LNX1: variants seen among roughly 807,000 people sequenced by gnomAD.
LNX1 encodes the protein ligand of numb-protein X 1, also known as E3 ubiquitin-protein ligase LNX.
LNX1 carries 54 observed loss-of-function variants against 68.4 expected under a neutral mutation model. That is an observed-to-expected ratio of 0.79 (90% CI 0.63 to 0.99). LNX1 has a LOEUF of 0.99. LNX1 is among the 50% of genes least tolerant of loss of function. LNX1 has a pLI of 0.00. For synonymous variants in LNX1, 336 were observed against 350.0 expected, an observed-to-expected ratio of 0.96 and a Z score of 0.45; for missense variants, 906 against 926.4, an observed-to-expected ratio of 0.98 and a Z score of 0.29.
At chr4:53,644,916 C>CA (rs760198960) in intron 1 of LNX1, among the ~76,000 whole-genome samples, 28 of 152,280 alleles carry the variant, frequency 1.8e-4, no homozygotes, top group Admixed American at 7.8e-4. Flanking sequence ...GTAGCACAGT[C>CA]AAAATGCGCT....
chr4:53,611,974 T>C (rs1383706418), intron 2 of LNX1, among the ~76,000 whole-genome samples: 4 of 152,200 alleles, frequency 2.6e-5, no homozygotes, highest in Non-Finnish European at 5.9e-5. Flanking sequence ...TGAAGAAATC[T>C]ATATAGTGTG....
intron 6 of LNX1, among the ~76,000 whole-genome samples, chr4:53,483,422 T>A (rs1328372281): frequency 6.6e-6 from 1 of 152,198 alleles, no homozygotes. Context: ...TTCACATGTG[T>A]CAGGTAGTAT....
chr4:53,584,618 G>C (rs1560681471), intron 1 of LNX1, among the ~76,000 whole-genome samples: 5 of 152,186 alleles, frequency 3.3e-5, no homozygotes, highest in Non-Finnish European at 7.3e-5. Flanking sequence ...CTGAGCAAAT[G>C]TGTCAATCAA....
chr4:53,512,446 A>T (rs1579443499), intron 2 of LNX1, among the ~76,000 whole-genome samples: 2 of 148,838 alleles, frequency 1.3e-5, no homozygotes, highest in African/African-American at 5.0e-5. Context: ...ATGCAACACT[A>T]CCCTTTCCTC....
chr4:53,632,717 A>T (rs1353290230), intron 1 of LNX1, among the ~76,000 whole-genome samples: 1 of 152,182 alleles, frequency 6.6e-6, no homozygotes, highest in Non-Finnish European at 1.5e-5. Flanking sequence ...GAACCATATC[A>T]GGTTAGGGAG....
intron 2 of LNX1, among the ~76,000 whole-genome samples, chr4:53,541,363 G>A (rs866085656): frequency 6.6e-6 from 1 of 152,076 alleles, no homozygotes; most frequent in South Asian, 2.1e-4. Context: ...ATTTCTCTAA[G>A]GAAAAGTGTG....
chr4:53,546,894 G>A (rs1249239281), intron 2 of LNX1, among the ~76,000 whole-genome samples: 1 of 152,232 alleles, frequency 6.6e-6, no homozygotes, highest in Non-Finnish European at 1.5e-5. Context: ...GCAGAGCTGT[G>A]TGGAAGGCGA....
In LNX1 at chr4:53,502,693, A is replaced by G. The variant is rs1161266953; in HGVS notation, c.776-3850T>C. Among the ~76,000 whole-genome samples the G allele has an allele frequency of 2.0e-5, 3 of 152,338 alleles. No individual in the cohort carries two copies. The East Asian group carries it at 5.8e-4, about 29-fold the overall frequency. ...TCTCTGTAGAATGCAATGCTGTTTG[A>G]TAGCATTTAAACTTCAGTAGAACTT... On this transcript the variant is annotated intron_variant, in intron 4 of 10. Transcript: ENST00000263925.
At chr4:53,593,693 CT>C (rs1436161422), upstream of LNX1, among the ~76,000 whole-genome samples, 5 of 151,762 alleles carry the variant, frequency 3.3e-5, no homozygotes, top group African/African-American at 1.2e-4. Context: ...GCCATTAGGG[CT>C]GTTACATTAT....
chr4:53,528,946 T>TA (rs749059967), intron 2 of LNX1, among the ~76,000 whole-genome samples: 1 of 151,426 alleles, frequency 6.6e-6, no homozygotes, highest in African/African-American at 2.4e-5. Context: ...AGGCTACCCA[T>TA]AAAAAAAAGC....
chr4:53,546,225 C>T (rs1198892336), intron 2 of LNX1, among the ~76,000 whole-genome samples: 2 of 152,154 alleles, frequency 1.3e-5, no homozygotes, highest in Admixed American at 6.5e-5. Context: ...GATAAAAATC[C>T]CTGGAAGAGC....
At chr4:53,466,491 C>T (rs1296353156) in intron 9 of LNX1, among the ~76,000 whole-genome samples, 1 of 152,176 alleles carries the variant, frequency 6.6e-6, no homozygotes, top group African/African-American at 2.4e-5. Context: ...CCAGACGGTG[C>T]AGGACAGTGG....
At chr4:53,631,454 G>A (rs1185123289) in intron 1 of LNX1, among the ~76,000 whole-genome samples, 2 of 152,134 alleles carry the variant, frequency 1.3e-5, no homozygotes, top group African/African-American at 4.8e-5. Context: ...CAAGTTGGCT[G>A]TTCCTTGCCT....
At chr4:53,526,676 T>A (rs1330669387) in intron 2 of LNX1, among the ~76,000 whole-genome samples, 1 of 151,786 alleles carries the variant, frequency 6.6e-6, no homozygotes, top group Non-Finnish European at 1.5e-5. Context: ...CCCTATTCCA[T>A]CTTTCTGCCT....
intron 1 of LNX1, chr4:53,575,741 T>C: frequency 6.5e-7 from 1 of 1,543,790 alleles, no homozygotes; most frequent in Non-Finnish European, 8.7e-7. Flanking sequence ...CACAGCTCTG[T>C]ATTGCATCAT....
At chr4:53,568,216 T>G (rs1577727790) in intron 2 of LNX1, among the ~76,000 whole-genome samples, 1 of 151,884 alleles carries the variant, frequency 6.6e-6, no homozygotes, top group Non-Finnish European at 1.5e-5. Flanking sequence ...TAGACCAATA[T>G]CCTTGATGAA....
At chr4:53,484,833 G>C (rs1196408303) in intron 6 of LNX1, among the ~76,000 whole-genome samples, 1 of 152,112 alleles carries the variant, frequency 6.6e-6, no homozygotes, top group African/African-American at 2.4e-5. Flanking sequence ...ACAAAAACTA[G>C]AAAATCCTTC....
intron 2 of LNX1, among the ~76,000 whole-genome samples, chr4:53,509,093 A>G (rs1212109007): frequency 6.6e-6 from 1 of 152,188 alleles, no homozygotes; most frequent in Admixed American, 6.5e-5. Flanking sequence ...GAACATGAAC[A>G]CTGCCACTCG....
At chr4:53,634,981 A>G (rs765479047) in intron 1 of LNX1, among the ~76,000 whole-genome samples, 95 of 151,808 alleles carry the variant, frequency 6.3e-4, no homozygotes, top group Non-Finnish European at 1.2e-3. Flanking sequence ...GCACACTACC[A>G]TATACAGCTA....
Sources: allele counts gnomAD v4.1 joint callset (sites outside exome capture counted in the v4.1 genomes callset), GRCh38; gene constraint gnomAD v4.1.1; transcripts MANE v1.5; gene names NCBI Gene and HGNC (gene_info 2026-07-23, HGNC 2026-07-21).